CNTN4: variants seen among roughly 807,000 people sequenced by gnomAD.
CNTN4 encodes the protein contactin 4.
Under a neutral mutation model 122.5 loss-of-function variants are expected in CNTN4, and 77 were observed. The observed-to-expected ratio is 0.63, with a 90% CI of 0.52 to 0.76. CNTN4 has a LOEUF of 0.76. CNTN4 is among the 30% of genes least tolerant of loss of function. The pLI, the probability that CNTN4 is intolerant of heterozygous loss-of-function variation, is 0.00. For missense variants in CNTN4, 1,256 were observed against 1,259.1 expected (o/e 1.00, Z 0.04); for synonymous variants, 512 against 447.0 (o/e 1.15, Z -1.83).
At chr3:2,296,623 C>G (rs1314636967) in intron 2 of CNTN4, among the ~76,000 whole-genome samples, 1 of 151,918 alleles carries the variant, frequency 6.6e-6, no homozygotes, top group Non-Finnish European at 1.5e-5. Context: ...ACAAATGTTA[C>G]CAACCCACCA....
rs188257396 is a variant in CNTN4, at chr3:2,216,602, G to A, written c.-145+115963G>A. ...ACACCTAGAATGAGTAATTACATGA[G>A]CATGTTAACAATATTAATATTTTGT... On this transcript the variant is annotated intron_variant, in intron 2 of 24. Transcript: ENST00000418658. 6.8e-4 allele frequency among the ~76,000 whole-genome samples: 103 copies of A among 152,238 alleles called. 1 individual carries two copies. Among genetic ancestry groups the A allele is most frequent in the Admixed American group, 2.7e-3 (42 of 15,298 alleles).
intron 2 of CNTN4, chr3:2,262,461 TA>T (rs2040871472): frequency 6.6e-6 from 1 of 152,174 alleles, no homozygotes. Flanking sequence ...AGGTTCTCAC[TA>T]AAAAGAAGAG....
intron 13 of CNTN4, among the ~76,000 whole-genome samples, chr3:2,961,509 T>C (rs907210850): frequency 1.3e-5 from 2 of 152,122 alleles, no homozygotes; most frequent in Admixed American, 1.3e-4. Context: ...TGTCTCCTTA[T>C]AGCAAATGAC....
intron 2 of CNTN4, among the ~76,000 whole-genome samples, chr3:2,305,176 T>C (rs1685456): frequency 0.51 from 76,945 of 151,828 alleles, 20,133 homozygotes; most frequent in African/African-American, 0.63. Flanking sequence ...CCCACAGTTA[T>C]TGGTGCTAGA....
At chr3:2,971,847 A>G (rs931826185) in intron 13 of CNTN4, among the ~76,000 whole-genome samples, 1 of 152,200 alleles carries the variant, frequency 6.6e-6, no homozygotes, top group African/African-American at 2.4e-5. Context: ...AACATTTGCA[A>G]ATTAGGTTGT....
chr3:2,929,153 G>A (rs955999444), intron 13 of CNTN4, among the ~76,000 whole-genome samples: 2 of 152,154 alleles, frequency 1.3e-5, no homozygotes, highest in Non-Finnish European at 2.9e-5. Context: ...AGCAATCAGT[G>A]TAGGCAATAT....
Position 2,967,388 on chromosome 3 carries a change from G to A in CNTN4, c.1359-20957G>A, listed in dbSNP as rs367677964. On this transcript the variant is annotated intron_variant, in intron 13 of 24. Transcript: ENST00000418658. ...AGCAGTTTGGGGAGGGAAGAATCTT[G>A]TAGCCTCTGGCCTCACGACTCCTAA... Among the ~76,000 whole-genome samples, 8 of 152,260 alleles carry A rather than the reference G, an allele frequency of 5.3e-5. No homozygotes were observed. The East Asian group carries it at 1.4e-3, about 26-fold the overall frequency.
intron 4 of CNTN4, among the ~76,000 whole-genome samples, chr3:2,624,759 A>G (rs190365803): frequency 5.8e-4 from 87 of 150,762 alleles, no homozygotes; most frequent in African/African-American, 1.9e-3. Context: ...AGCTTCCCCA[A>G]TAGCTGGGAC....
intron 2 of CNTN4, among the ~76,000 whole-genome samples, chr3:2,301,551 G>A (rs1262263371): frequency 1.3e-5 from 2 of 152,058 alleles, no homozygotes; most frequent in Admixed American, 6.5e-5. Flanking sequence ...GATCTTTTTT[G>A]TTGATAGCTG....
chr3:2,491,974 GT>G (rs781408042), intron 3 of CNTN4, among the ~76,000 whole-genome samples: 1 of 149,752 alleles, frequency 6.7e-6, no homozygotes, highest in African/African-American at 2.5e-5. Flanking sequence ...TTAAGTCTTT[GT>G]TTTTTTTTAG....
At chr3:2,544,555 A>G (rs1402946798) in intron 3 of CNTN4, among the ~76,000 whole-genome samples, 1 of 152,102 alleles carries the variant, frequency 6.6e-6, no homozygotes, top group East Asian at 1.9e-4. Context: ...AATTGGGAAA[A>G]GAAAACAAAG....
In CNTN4 at chr3:2,856,707, T is replaced by C. The variant is rs2093622225; in HGVS notation, c.455-10045T>C. ...ATGAATCCATTAATCACGGATGCCC[T>C]TACTCAGCCTCCCTAAAGTTTTGCA... On this transcript the variant is annotated intron_variant, in intron 7 of 24. Transcript: ENST00000418658. 2.0e-5 allele frequency among the ~76,000 whole-genome samples: 3 copies of C among 152,180 alleles called. No homozygotes were observed. The South Asian group carries it at 6.2e-4, about 32-fold the overall frequency.
In CNTN4 at chr3:2,841,832, G is replaced by A. The variant is rs1028435005; in HGVS notation, c.454+22251G>A. Among the ~76,000 whole-genome samples, 4 of 150,326 alleles carry A rather than the reference G, an allele frequency of 2.7e-5. No homozygotes were observed. Among genetic ancestry groups the A allele is most frequent in the Non-Finnish European group, 4.4e-5 (3 of 68,022 alleles). On this transcript the variant is annotated intron_variant, in intron 7 of 24. Coordinates refer to ENST00000418658, the MANE Select transcript of CNTN4 (RefSeq NM_175607.3). This position sits in a 1 kb window ranked among gnomAD's most constrained non-coding sequence, Gnocchi z 4.8. Reference sequence around the variant, plus strand: ...GTTTCACCAGGGAAATGGCTGGTAAGAGATTTAGTCCTAGGAGTAGGATCT... The same window carrying A: ...GTTTCACCAGGGAAATGGCTGGTAAAAGATTTAGTCCTAGGAGTAGGATCT...
intron 6 of CNTN4, among the ~76,000 whole-genome samples, chr3:2,763,180 C>T (rs1020644708): frequency 9.2e-5 from 14 of 152,046 alleles, no homozygotes; most frequent in Non-Finnish European, 4.4e-5. Flanking sequence ...CTCCTGACCT[C>T]GTGATCCGCC....
intron 3 of CNTN4, among the ~76,000 whole-genome samples, chr3:2,435,325 C>A (rs960111712): frequency 6.6e-6 from 1 of 152,136 alleles, no homozygotes; most frequent in Admixed American, 6.5e-5. Flanking sequence ...ATAACCAATG[C>A]ACATTCTCCT....
chr3:2,459,072 G>A (rs1227868278), intron 3 of CNTN4, among the ~76,000 whole-genome samples: 2 of 152,052 alleles, frequency 1.3e-5, no homozygotes, highest in African/African-American at 4.8e-5. Context: ...CTGATAAAAG[G>A]ATACCCTGTG....
At chr3:3,038,237 C>T (rs1451714671) in intron 18 of CNTN4, among the ~76,000 whole-genome samples, 2 of 152,234 alleles carry the variant, frequency 1.3e-5, no homozygotes, top group Admixed American at 6.5e-5. Flanking sequence ...CTTCCAAAAC[C>T]ATAATTGAAT....
chr3:2,450,829 A>C (rs1426332948), intron 3 of CNTN4, among the ~76,000 whole-genome samples: 1 of 152,246 alleles, frequency 6.6e-6, no homozygotes, highest in Non-Finnish European at 1.5e-5. Context: ...ATTGGAATAA[A>C]GAAAGAAAAT....
intron 7 of CNTN4, among the ~76,000 whole-genome samples, chr3:2,839,089 G>T (rs965194712): frequency 1.6e-4 from 24 of 152,178 alleles, no homozygotes; most frequent in Admixed American, 1.6e-3. Flanking sequence ...AAAAAATCTT[G>T]ACATACACCT....
Sources: allele counts gnomAD v4.1 joint callset (sites outside exome capture counted in the v4.1 genomes callset), GRCh38; gene constraint gnomAD v4.1.1; non-coding constraint Gnocchi (gnomAD v3.1); transcripts MANE v1.5; gene names NCBI Gene and HGNC (gene_info 2026-07-23, HGNC 2026-07-21).